Variants in TICRR observed in about 807,000 individuals in gnomAD.
TICRR encodes TOPBP1 interacting checkpoint and replication regulator.
In TICRR, 132 loss-of-function variants were observed where a neutral mutation model predicts 178.1. The observed-to-expected ratio is 0.74, with a 90% CI of 0.64 to 0.86. The LOEUF (loss-of-function observed/expected upper bound fraction) is 0.86. TICRR is among the 40% of genes least tolerant of loss of function. The pLI, the probability that TICRR is intolerant of heterozygous loss-of-function variation, is 0.00. For synonymous variants in TICRR, 991 were observed against 900.7 expected (o/e 1.10, Z -1.79); for missense variants, 2,587 against 2,334.3 (o/e 1.11, Z -2.23).
chr15:89,617,980 CTG>C (rs1963362786), intron 16 of TICRR, 170 bp from the exon 17 acceptor site: 4 of 720,850 alleles, frequency 5.5e-6, no homozygotes, highest in East Asian at 2.5e-5. Flanking sequence ...GCGTGAGACA[CTG>C]TGGCCAGCCT....
intron 1 of TICRR, among the ~76,000 whole-genome samples, chr15:89,581,511 A>G (rs149591071): frequency 2.2e-3 from 336 of 152,384 alleles, no homozygotes; most frequent in African/African-American, 7.6e-3. Context: ...AGCCAGATAC[A>G]GAAGCGTAAT....
In TICRR at chr15:89,624,182, C is replaced by G. The variant is rs1963471819; in HGVS notation, c.3872C>G (p.Thr1291Ser). The G allele has an allele frequency of 1.2e-6, 2 of 1,614,110 alleles. No individual in the cohort carries two copies. The highest frequency in any genetic ancestry group is 2.2e-5 in the South Asian group (2 of 91,080). The change falls in exon 20 of 22, where the codon ACT becomes AGT. Residue 1291 changes from threonine (T) to serine (S), a missense_variant. Coordinates refer to ENST00000268138, the MANE Select transcript of TICRR (RefSeq NM_152259.4). ...AAACTAAAGGATAAAGCTATCAAAA[C>G]TCCAAAAAGACCAGGGAATTCAACT... is the stretch of plus-strand genomic sequence containing the variant. ...AQKLKDKAIK[T>S]PKRPGNSTVT... is the part of the protein sequence containing the mutation.
intron 16 of TICRR, among the ~76,000 whole-genome samples, chr15:89,616,852 T>G (rs866605844): frequency 2.0e-5 from 3 of 152,166 alleles, no homozygotes; most frequent in Non-Finnish European, 4.4e-5. Context: ...GACAGAGGTG[T>G]GGGTGGGGCT....
chr15:89,576,821 G>GTATATATATATATATA (rs369518649), intron 1 of TICRR, among the ~76,000 whole-genome samples: 1 of 92,438 alleles, frequency 1.1e-5, no homozygotes, highest in Non-Finnish European at 2.4e-5. Flanking sequence ...ATGTGTGTGT[G>GTATATATATATATATA]TATATATATA....
rs1963365122 is a variant in TICRR, at chr15:89,618,134, T to C, written c.2961-18T>C. 2 of 1,613,650 alleles carry C rather than the reference T, an allele frequency of 1.2e-6. No individual in the cohort carries two copies. The highest frequency in any genetic ancestry group is 4.5e-5 in the East Asian group (2 of 44,878). On this transcript the variant is annotated intron_variant, in intron 16 of 21. Coordinates refer to ENST00000268138, the MANE Select transcript of TICRR (RefSeq NM_152259.4). ...TACAAGTGGTATGGAGTAATCCTTG[T>C]GCATGTGGTTCCTCGAGGTCCTCTG...
chr15:89,614,316 G>C (rs1275173326), intron 15 of TICRR, among the ~76,000 whole-genome samples: 1 of 148,900 alleles, frequency 6.7e-6, no homozygotes, highest in East Asian at 1.9e-4. Context: ...TTGACAACTG[G>C]ATTTTTTTTT....
In TICRR at chr15:89,625,434, C is replaced by G; in HGVS notation, c.5124C>G (p.Asp1708Glu). Residue 1708 changes from aspartate (D) to glutamate (E), a missense_variant, in exon 20 of 22, where the codon GAC becomes GAG. Asp to Glu is a conservative substitution (Grantham distance 45). Coordinates refer to ENST00000268138, the MANE Select transcript of TICRR (RefSeq NM_152259.4). ...CCGGGAGGGGCGAGGTCGGTGCAGA[C>G]CTTCCTGGGAGCCTGTCACTGCTTG... is the stretch of plus-strand genomic sequence containing the variant. ...SSSGRGEVGA[D>E]LPGSLSLLES... is the part of the protein sequence containing the mutation. 6.2e-7 allele frequency: 1 copy of G among 1,613,930 alleles called. No homozygotes were observed. The highest frequency in any genetic ancestry group is 2.2e-5 in the East Asian group (1 of 44,840).
chr15:89,606,908 AGGTG>A, intron 14 of TICRR, 83 bp downstream of exon 14: 2 of 1,209,738 alleles, frequency 1.7e-6, no homozygotes, highest in Non-Finnish European at 2.4e-6. Context: ...AGCTGCTTAC[AGGTG>A]TAAATTAAGG....
rs1567051291 is a variant in TICRR at position 89,619,921 on chromosome 15, T to C, written c.3154+79T>C. ...GTTTTTGGGAAAAGAAGCAAGAAATTTGACATTTTCTTTCTTGACATTGGA... is the reference window on the plus strand; with the variant it reads ...GTTTTTGGGAAAAGAAGCAAGAAATCTGACATTTTCTTTCTTGACATTGGA... On this transcript the variant is annotated intron_variant, in intron 18 of 21. Transcript: ENST00000268138. 1.1e-5 allele frequency: 17 copies of C among 1,513,800 alleles called. No homozygotes were observed. In the South Asian group the frequency reaches 1.3e-4, roughly 12 times the overall value. The allele number at this position is 1,513,800 out of a possible 1,614,324, so 93.8% of individuals were successfully genotyped here. A position where few individuals can be genotyped will look rare whatever the true frequency, so the allele number is the denominator to read the frequency against.
At chr15:89,598,289 GTTGT>G (rs1312996341) in intron 7 of TICRR, among the ~76,000 whole-genome samples, 2 of 151,632 alleles carry the variant, frequency 1.3e-5, no homozygotes, top group Admixed American at 1.3e-4. Flanking sequence ...CAGGAGTTTT[GTTGT>G]TTGTTCTTTC....
intron 18 of TICRR, among the ~76,000 whole-genome samples, chr15:89,620,738 T>G (rs992173825): frequency 6.0e-5 from 9 of 150,912 alleles, no homozygotes; most frequent in African/African-American, 2.2e-4. Context: ...TTGTTTGTTT[T>G]TTGAGATGGA....
intron 7 of TICRR, 113 bp from the exon 8 acceptor site, chr15:89,599,211 G>C: frequency 4.9e-6 from 2 of 408,960 alleles, no homozygotes; most frequent in Non-Finnish European, 7.9e-6. Flanking sequence ...ATCCAGACAA[G>C]GCCAAATGTT....
At position 89,627,326 on chromosome 15, in the gene TICRR, A is replaced by G. The variant is rs561490125; in HGVS notation, c.*240A>G. 8.5e-6 allele frequency: 4 copies of G among 472,690 alleles called. No homozygotes were observed. The South Asian group carries it at 1.6e-4, about 19-fold the overall frequency. The allele number at this position is 472,690 out of a possible 1,614,324, so 29.3% of individuals were successfully genotyped here. On this transcript the variant is annotated 3_prime_UTR_variant, in exon 22 of 22. Coordinates refer to ENST00000268138, the MANE Select transcript of TICRR (RefSeq NM_152259.4). ...ATGTGATTGGTGCTATAACTCAGGCAGCCTGGGAGTCAGGAACCCAGACAA... is the reference window on the plus strand; with the variant it reads ...ATGTGATTGGTGCTATAACTCAGGCGGCCTGGGAGTCAGGAACCCAGACAA...
chr15:89,594,528 C>A lies in TICRR; in HGVS notation c.1655C>A (p.Ala552Asp). ...QRKSREESTI[A>D]HQEDSKKKRG... ...AAATCTCGTGAAGAATCCACTATAGCTCATCAAGAAGACAGCAAAAAGAAA... is the reference window on the plus strand; with the variant it reads ...AAATCTCGTGAAGAATCCACTATAGATCATCAAGAAGACAGCAAAAAGAAA... Residue 552 changes from alanine (A) to aspartate (D), a missense_variant, in exon 6 of 22, where the codon GCT (alanine) becomes GAT (aspartate). Transcript: ENST00000268138. 3.1e-6 allele frequency: 5 copies of A among 1,606,888 alleles called. No homozygotes were observed. Among genetic ancestry groups the A allele is most frequent in the Non-Finnish European group, 4.2e-6 (5 of 1,176,488 alleles).
Position 89,616,431 on chromosome 15 carries a change from G to C in TICRR, c.2896G>C (p.Val966Leu), listed in dbSNP as rs1473836428. ...TTATCACAAACTGCTGACTAAGAGTGTGGCCGAGACTCCAGTGCATAAGCA... is the reference window on the plus strand; with the variant it reads ...TTATCACAAACTGCTGACTAAGAGTCTGGCCGAGACTCCAGTGCATAAGCA... ...KGYHKLLTKS[V>L]AETPVHKQIS... The change falls in exon 16 of 22, where the codon GTG (valine) becomes CTG (leucine). Residue 966 changes from valine to leucine, a missense_variant. Transcript: ENST00000268138. 6.2e-7 allele frequency: 1 copy of C among 1,613,946 alleles called. No individual in the cohort carries two copies. Among genetic ancestry groups the C allele is most frequent in the Non-Finnish European group, 8.5e-7 (1 of 1,179,942 alleles).
chr15:89,582,796 T>G lies in TICRR; in HGVS notation c.765T>G (p.Ala255=). The G allele has an allele frequency of 1.2e-6, 2 of 1,614,218 alleles. No homozygotes were observed. Among genetic ancestry groups the G allele is most frequent in the Non-Finnish European group, 1.7e-6 (2 of 1,180,040 alleles). ...CTTTCAGCTGGGATTTTGCTCAAGC[T>G]GGGGAAATGCTGCTCAGGAGTGGAA... is the stretch of plus-strand genomic sequence containing the variant. The part of the protein sequence containing the change: ...SESFSWDFAQ[A]GEMLLRSGIK... Residue 255 remains alanine, a synonymous_variant, in exon 2 of 22, where the codon GCT becomes GCG. Transcript: ENST00000268138.
intron 21 of TICRR, 83 bp from the exon 22 acceptor site, chr15:89,626,873 G>A (rs2141988030): frequency 6.8e-7 from 1 of 1,472,912 alleles, no homozygotes; most frequent in Non-Finnish European, 9.3e-7. Flanking sequence ...GTTTTTGTGT[G>A]TAACCCTCTG....
At position 89,619,578 on chromosome 15, in the gene TICRR, A is replaced by C. The variant is rs1347650434; in HGVS notation, c.3020-130A>C. On this transcript the variant is annotated intron_variant, in intron 17 of 21. Coordinates refer to ENST00000268138, the MANE Select transcript of TICRR (RefSeq NM_152259.4). ...TTAAGAGACACTTCAGAAGTCTCTTAAAGCTAATAGCTTGCTGAATTTCCA... is the reference window on the plus strand; with the variant it reads ...TTAAGAGACACTTCAGAAGTCTCTTCAAGCTAATAGCTTGCTGAATTTCCA... The C allele has an allele frequency of 5.2e-6, 5 of 955,876 alleles. No homozygotes were observed. The African/African-American group carries it at 8.2e-5, about 16-fold the overall frequency. 59.2% of individuals were successfully genotyped at this position (955,876 alleles called of 1,614,324 possible).
At chr15:89,578,999 A>G (rs1425174124) in intron 1 of TICRR, among the ~76,000 whole-genome samples, 1 of 152,188 alleles carries the variant, frequency 6.6e-6, no homozygotes, top group East Asian at 1.9e-4. Flanking sequence ...TCTGGGAAGT[A>G]GAACTGGGAG....
Sources: gnomAD v4.1 joint callset for allele counts (sites outside exome capture counted in the v4.1 genomes callset) on GRCh38, gnomAD v4.1.1 for gene constraint, MANE v1.5 for transcripts, NCBI Gene and HGNC (gene_info 2026-07-23, HGNC 2026-07-21) for gene names.